HPS5: variants seen among roughly 807,000 people sequenced by gnomAD.
The protein encoded by HPS5 is BLOC-2 complex member HPS5.
In HPS5, 83 loss-of-function variants were observed where a neutral mutation model predicts 128.0. The observed-to-expected ratio is 0.65, with a 90% CI of 0.54 to 0.78. The LOEUF (loss-of-function observed/expected upper bound fraction) is 0.78, where lower values mean the gene tolerates loss of function less well. Among genes scored for constraint, HPS5 ranks in the 30% least tolerant of loss-of-function variants. HPS5 has a pLI of 0.00. For missense variants in HPS5, 1,281 were observed against 1,326.2 expected (o/e 0.97, Z 0.53); for synonymous variants, 475 against 470.2 (o/e 1.01, Z -0.13).
chr11:18,305,373 A>C, intron 8 of HPS5, 49 bp downstream of exon 8: 1 of 1,220,208 alleles, frequency 8.2e-7, no homozygotes, highest in Non-Finnish European at 1.2e-6. Context: ...AGAGATAAAA[A>C]TCTAAGTATT....
intron 20 of HPS5, among the ~76,000 whole-genome samples, chr11:18,284,852 G>A (rs11024603): frequency 0.21 from 32,641 of 151,858 alleles, 3,753 homozygotes; most frequent in East Asian, 0.34. Flanking sequence ...AGTTTTCCAC[G>A]CCCTTGCTCT....
At chr11:18,318,010 C>G in intron 1 of HPS5, 103 bp from the exon 2 acceptor site, 2 of 807,054 alleles carry the variant, frequency 2.5e-6, no homozygotes. Context: ...AAAGTCCCCA[C>G]TATACAGGGA....
At chr11:18,300,218 G>A (rs925201629) in intron 9 of HPS5, among the ~76,000 whole-genome samples, 3 of 151,912 alleles carry the variant, frequency 2.0e-5, no homozygotes, top group South Asian at 2.1e-4. Flanking sequence ...TGCATGTATC[G>A]AAACATATTA....
chr11:18,303,650 C>T (rs549581003), intron 8 of HPS5, among the ~76,000 whole-genome samples: 16 of 152,154 alleles, frequency 1.1e-4, no homozygotes, highest in South Asian at 2.1e-4. Flanking sequence ...CTCAGGAGTT[C>T]GAGACCAGCC....
rs1590047428 is a variant in HPS5 at position 18,283,736 on chromosome 11, A to C, written c.3058+59T>G. On this transcript the variant is annotated intron_variant, in intron 21 of 22. Coordinates refer to ENST00000349215, the MANE Select transcript of HPS5 (RefSeq NM_181507.2). ...AGGTTCACCAAATTTTTTTGTTGAG[A>C]GGTCTGGAGTAACTTCTAAAAATTG... 3.4e-6 allele frequency: 4 copies of C among 1,188,938 alleles called. No individual in the cohort carries two copies. In the East Asian group the frequency reaches 9.3e-5, roughly 28 times the overall value. 73.6% of individuals were successfully genotyped at this position (1,188,938 alleles called of 1,614,324 possible).
intron 3 of HPS5, 78 bp from the exon 4 acceptor site, chr11:18,311,529 G>A: frequency 3.0e-6 from 1 of 336,374 alleles, no homozygotes; most frequent in African/African-American, 4.8e-5. Context: ...TTTTTTTTTT[G>A]AGACTGAGTC....
At chr11:18,301,128 A>C (rs1316947141) in intron 8 of HPS5, among the ~76,000 whole-genome samples, 1 of 152,194 alleles carries the variant, frequency 6.6e-6, no homozygotes, top group African/African-American at 2.4e-5. Flanking sequence ...AAATTGGGAA[A>C]ATTCAGACAC....
At chr11:18,319,044 A>G (rs1430128720) in intron 1 of HPS5, among the ~76,000 whole-genome samples, 1 of 146,608 alleles carries the variant, frequency 6.8e-6, no homozygotes, top group East Asian at 2.0e-4. Context: ...AATGTTCAGG[A>G]AAAAAAAAAA....
chr11:18,279,990 A>G (rs1364766236), intron 22 of HPS5, 48 bp from the exon 23 acceptor site: 1 of 1,572,294 alleles, frequency 6.4e-7, no homozygotes, highest in East Asian at 2.2e-5. Context: ...GTCATTGTTC[A>G]TTCTTCACAG....
intron 5 of HPS5, 61 bp downstream of exon 5, chr11:18,310,680 A>C: frequency 7.8e-7 from 1 of 1,288,750 alleles, no homozygotes; most frequent in Admixed American, 2.0e-5. Flanking sequence ...TTTAATTGGA[A>C]GTTTTATAAG....
chr11:18,297,434 A>C, intron 11 of HPS5, 125 bp downstream of exon 11: 4 of 830,674 alleles, frequency 4.8e-6, no homozygotes, highest in Non-Finnish European at 5.9e-6. Flanking sequence ...ACAAAAGTTC[A>C]CCCCTTCCCA....
At chr11:18,319,387 T>C (rs1357867212) in intron 1 of HPS5, among the ~76,000 whole-genome samples, 3 of 151,582 alleles carry the variant, frequency 2.0e-5, no homozygotes, top group Non-Finnish European at 4.4e-5. Flanking sequence ...GAAAACGCTC[T>C]AAGGAAAGTA....
chr11:18,300,717 AAAAGTC>A, intron 9 of HPS5, 105 bp downstream of exon 9: 2 of 528,374 alleles, frequency 3.8e-6, no homozygotes, highest in African/African-American at 2.1e-5. Context: ...AAAAAAAAAA[AAAAGTC>A]ATCCCATCCT....
At chr11:18,298,771 T>C (rs1861372163) in intron 10 of HPS5, 21 bp downstream of exon 10, 1 of 1,611,638 alleles carries the variant, frequency 6.2e-7, no homozygotes, top group Non-Finnish European at 8.5e-7. Flanking sequence ...GGTAAAGATG[T>C]CTAGGTAAGC....
In HPS5 at chr11:18,279,174, C is replaced by G. The variant is rs1326343907; in HGVS notation, c.*708G>C. 6.6e-6 allele frequency: 1 copy of G among 152,252 alleles called. No individual in the cohort carries two copies. Among genetic ancestry groups the G allele is most frequent in the Non-Finnish European group, 1.5e-5 (1 of 68,064 alleles). 9.4% of individuals were successfully genotyped at this position (152,252 alleles called of 1,614,324 possible). ...CACATCTCATTGCGGCCTGGACCTCCTGGCCTCAGGTACTATGCCTAGCTA... is the reference window on the plus strand; with the variant it reads ...CACATCTCATTGCGGCCTGGACCTCGTGGCCTCAGGTACTATGCCTAGCTA... On this transcript the variant is annotated 3_prime_UTR_variant, in exon 23 of 23. Transcript: ENST00000349215.
At chr11:18,287,841 C>CA (rs1859926813) in intron 17 of HPS5, 52 bp downstream of exon 17, 24 of 1,612,228 alleles carry the variant, frequency 1.5e-5, no homozygotes, top group East Asian at 2.2e-5. Context: ...CTAAAATACA[C>CA]AAAAAAATGC....
At chr11:18,287,852 A>G in intron 17 of HPS5, 41 bp downstream of exon 17, 1 of 1,613,422 alleles carries the variant, frequency 6.2e-7, no homozygotes, top group South Asian at 1.1e-5. Context: ...AAAAAAATGC[A>G]TGTGCTTTAG....
Position 18,291,964 on chromosome 11 carries a change from A to G in HPS5, c.1918T>C (p.Leu640=). 1.2e-6 allele frequency: 2 copies of G among 1,613,550 alleles called. No individual in the cohort carries two copies. Among genetic ancestry groups the G allele is most frequent in the Non-Finnish European group, 1.7e-6 (2 of 1,179,894 alleles). The change falls in exon 16 of 23, where the codon TTA becomes CTA. Residue 640 remains leucine, a synonymous_variant. Coordinates refer to ENST00000349215, the MANE Select transcript of HPS5 (RefSeq NM_181507.2). ...TCTAAATGTGAAAGCCACTCCTGTA[A>G]AACCATTCTCAGAGACTCGGATTCA... The part of the protein sequence containing the change: ...LFESESLRMV[L]QEWLSHLEKT...
intron 20 of HPS5, among the ~76,000 whole-genome samples, chr11:18,285,069 T>C (rs1403274806): frequency 6.7e-6 from 1 of 150,072 alleles, no homozygotes; most frequent in East Asian, 2.0e-4. Flanking sequence ...CTTAATTAAA[T>C]ACTATCTACA....
Sources: gnomAD v4.1 joint callset for allele counts (sites outside exome capture counted in the v4.1 genomes callset) on GRCh38, gnomAD v4.1.1 for gene constraint, MANE v1.5 for transcripts, NCBI Gene and HGNC (gene_info 2026-07-23, HGNC 2026-07-21) for gene names.